Variants in LRRC53 observed in about 807,000 individuals in gnomAD.
LRRC53 encodes leucine-rich repeat-containing protein 53.
LRRC53 carries 25 observed loss-of-function variants against 13.6 expected under a neutral mutation model. That is an observed-to-expected ratio of 1.83 (90% CI 1.34 to 2.56). LRRC53 has a LOEUF of 2.56. Among genes scored for constraint, LRRC53 ranks in the 30% most tolerant of loss-of-function variants. The pLI, the probability that LRRC53 is intolerant of heterozygous loss-of-function variation, is 0.00. For missense variants in LRRC53, 527 were observed against 275.8 expected (o/e 1.91, Z -6.45); for synonymous variants, 204 against 109.8 (o/e 1.86, Z -5.37).
intron 1 of LRRC53, among the ~76,000 whole-genome samples, chr1:74,508,101 A>G (rs1182061922): frequency 6.6e-6 from 1 of 152,246 alleles, no homozygotes; most frequent in African/African-American, 2.4e-5. Flanking sequence ...CATTACTAAG[A>G]AAAAGGAGAG....
chr1:74,503,370 G>C (rs958539321), intron 1 of LRRC53, among the ~76,000 whole-genome samples: 1 of 152,184 alleles, frequency 6.6e-6, no homozygotes, highest in African/African-American at 2.4e-5. Flanking sequence ...AAAGAATGCT[G>C]ATTTGAAATA....
the LRRC53 span, among the ~76,000 whole-genome samples, chr1:74,531,365 G>A: frequency 1.3e-5 from 2 of 152,140 alleles, no homozygotes; most frequent in South Asian, 4.1e-4. Context: ...TTAGCAAATG[G>A]CCATTCATAA....
intron 1 of LRRC53, among the ~76,000 whole-genome samples, chr1:74,507,225 C>CG (rs980982672): frequency 1.6e-5 from 2 of 124,148 alleles, no homozygotes; most frequent in African/African-American, 3.0e-5. Flanking sequence ...ATTTCTTCAC[C>CG]CCCCCCCCAT....
At chr1:74,473,150 G>T (rs948173925) in intron 4 of LRRC53, among the ~76,000 whole-genome samples, 1 of 152,064 alleles carries the variant, frequency 6.6e-6, no homozygotes, top group Non-Finnish European at 1.5e-5. Context: ...TAAGAGCTAG[G>T]CATTGTGCTC....
chr1:74,527,560 A>G, the LRRC53 span, among the ~76,000 whole-genome samples: 1 of 152,182 alleles, frequency 6.6e-6, no homozygotes. Flanking sequence ...TATGGTGGAT[A>G]GGGAGGGGAG....
chr1:74,507,389 C>T (rs1198867075), intron 1 of LRRC53, among the ~76,000 whole-genome samples: 2 of 152,092 alleles, frequency 1.3e-5, no homozygotes, highest in Admixed American at 1.3e-4. Flanking sequence ...AGAATAGAAA[C>T]ATTATTGTAA....
At chr1:74,481,612 A>G (rs1668509042) in intron 2 of LRRC53, among the ~76,000 whole-genome samples, 1 of 152,200 alleles carries the variant, frequency 6.6e-6, no homozygotes, top group Non-Finnish European at 1.5e-5. Context: ...CCTCCTGTCT[A>G]ATATCTGTTC....
At chr1:74,535,243 G>A in the LRRC53 span, among the ~76,000 whole-genome samples, 2 of 152,108 alleles carry the variant, frequency 1.3e-5, no homozygotes, top group Non-Finnish European at 2.9e-5. Context: ...TTGGGAGGTC[G>A]AGGTGGGTGG....
At chr1:74,512,955 G>T (rs959851685), upstream of LRRC53, among the ~76,000 whole-genome samples, 1 of 152,150 alleles carries the variant, frequency 6.6e-6, no homozygotes, top group Non-Finnish European at 1.5e-5. Context: ...ATGGCTCACC[G>T]TGGAAAACTA....
the LRRC53 span, among the ~76,000 whole-genome samples, chr1:74,533,350 A>T: frequency 6.6e-6 from 1 of 152,192 alleles, no homozygotes; most frequent in African/African-American, 2.4e-5. Flanking sequence ...TGCAAATCAA[A>T]ACCACAATGA....
intron 1 of LRRC53, among the ~76,000 whole-genome samples, chr1:74,498,422 G>T (rs1669444973): frequency 6.6e-6 from 1 of 152,014 alleles, no homozygotes; most frequent in South Asian, 2.1e-4. Flanking sequence ...TTTCTTATGT[G>T]TCTTATTCCC....
At position 74,472,031 on chromosome 1, in the gene LRRC53, T is replaced by G. The variant is rs966934450; in HGVS notation, c.1591A>C (p.Lys531Gln). 2 of 705,638 alleles carry G rather than the reference T, an allele frequency of 2.8e-6. No individual in the cohort carries two copies. The highest frequency in any genetic ancestry group is 3.1e-5 in the South Asian group (2 of 65,512). The allele number at this position is 705,638 out of a possible 1,614,324, so 43.7% of individuals were successfully genotyped here. A position where few individuals can be genotyped will look rare whatever the true frequency, so the allele number is the denominator to read the frequency against. ...TAGTGTTCCTCAGGCTCACAAGGCT[T>G]GGATGATGAGCTTGTAATAAAATGT... ...QRHFITSSSS[K>Q]PCEPEEHYVQ... is the part of the protein sequence containing the mutation. Residue 531 changes from lysine to glutamine, a missense_variant, in exon 5 of 5, where the codon AAG becomes CAG. By Grantham distance (53) the Lys-to-Gln change is moderately conservative. Coordinates refer to ENST00000294635, the MANE Select transcript of LRRC53 (RefSeq NM_001382280.1).
Position 74,480,605 on chromosome 1 carries a change from A to G in LRRC53, c.452T>C (p.Phe151Ser), listed in dbSNP as rs545582139. ...NQITNLTDSS[F>S]GGTNLHSLRY... Reference sequence around the variant, plus strand: ...GAGACTGTGGAGATTCGTGCCTCCGAAAGAACTGTCTGTGAGATTAGTAAT... The same window carrying G: ...GAGACTGTGGAGATTCGTGCCTCCGGAAGAACTGTCTGTGAGATTAGTAAT... Residue 151 changes from phenylalanine (F) to serine (S), a missense_variant, in exon 3 of 5, where the codon TTC becomes TCC. Transcript: ENST00000294635. 1 of 717,248 alleles carries G rather than the reference A, an allele frequency of 1.4e-6. No homozygotes were observed. The highest frequency in any genetic ancestry group is 1.5e-5 in the South Asian group (1 of 67,594). 44.4% of individuals were successfully genotyped at this position (717,248 alleles called of 1,614,324 possible). A position where few individuals can be genotyped will look rare whatever the true frequency, so the allele number is the denominator to read the frequency against.
At chr1:74,486,452 T>C (rs1268458269) in intron 1 of LRRC53, among the ~76,000 whole-genome samples, 1 of 151,944 alleles carries the variant, frequency 6.6e-6, no homozygotes, top group East Asian at 1.9e-4. Context: ...AAGAGTAAAG[T>C]ATGATAGAGT....
At chr1:74,476,343 C>T (rs543005064) in intron 3 of LRRC53, among the ~76,000 whole-genome samples, 10 of 152,242 alleles carry the variant, frequency 6.6e-5, no homozygotes, top group African/African-American at 2.2e-4. Flanking sequence ...CCTAAATGTT[C>T]AAACCAATGT....
At chr1:74,512,052 C>G (rs185996908) in intron 1 of LRRC53, among the ~76,000 whole-genome samples, 1 of 152,184 alleles carries the variant, frequency 6.6e-6, no homozygotes, top group Non-Finnish European at 1.5e-5. Flanking sequence ...CTTCCAGTCA[C>G]TGAGACCTCA....
rs1667895100 is a variant in LRRC53 at position 74,470,907 on chromosome 1, A to G, written c.2715T>C (p.Thr905=). The G allele has an allele frequency of 2.5e-6, 1 of 400,618 alleles. No individual in the cohort carries two copies. The highest frequency in any genetic ancestry group is 2.1e-5 in the African/African-American group (1 of 48,696). 24.8% of individuals were successfully genotyped at this position (400,618 alleles called of 1,614,324 possible). A position where few individuals can be genotyped will look rare whatever the true frequency, so the allele number is the denominator to read the frequency against. The change falls in exon 5 of 5, where the codon ACT becomes ACC. Residue 905 remains threonine (T), a synonymous_variant. Transcript: ENST00000294635. ...TTGATACATTCTGTCCCATGTGCTC[A>G]GTGGACTCCGTTGTCCCTTGGTCAG... ...RATDQGTTES[T]EHMGQNVSKT...
At chr1:74,497,168 A>G (rs1669371262) in intron 1 of LRRC53, among the ~76,000 whole-genome samples, 1 of 152,170 alleles carries the variant, frequency 6.6e-6, no homozygotes, top group African/African-American at 2.4e-5. Context: ...CTGGGTTACA[A>G]CAATTGTGTA....
At chr1:74,476,804 T>C (rs1668229507) in intron 3 of LRRC53, among the ~76,000 whole-genome samples, 1 of 152,174 alleles carries the variant, frequency 6.6e-6, no homozygotes, top group Non-Finnish European at 1.5e-5. Flanking sequence ...TCTAGTTTTA[T>C]CCACTGGAGA....
Sources: gnomAD v4.1 joint callset for allele counts (sites outside exome capture counted in the v4.1 genomes callset) on GRCh38, gnomAD v4.1.1 for gene constraint, MANE v1.5 for transcripts, NCBI Gene and HGNC (gene_info 2026-07-23, HGNC 2026-07-21) for gene names.